Variants in DSCAM observed in about 807,000 individuals in gnomAD.
DSCAM encodes the protein cell adhesion molecule DSCAM.
DSCAM carries 47 observed loss-of-function variants against 217.7 expected under a neutral mutation model. The observed-to-expected ratio is 0.22, with a 90% CI of 0.17 to 0.28. The LOEUF is 0.28. Ranked by LOEUF, DSCAM falls within the 10% of genes least tolerant of loss-of-function variation. The probability of loss-of-function intolerance (pLI) is 1.00; values close to 1 mark genes in which losing one functional copy is unlikely to be tolerated. For synonymous variants in DSCAM, 1,056 were observed against 1,015.3 expected, an observed-to-expected ratio of 1.04 and a Z score of -0.76; for missense variants, 2,080 against 2,618.3, an observed-to-expected ratio of 0.79 and a Z score of 4.49.
Position 40,353,640 on chromosome 21 carries a change from C to T in DSCAM, c.759G>A (p.Glu253=). Residue 253 remains glutamate (E), a synonymous_variant, in exon 5 of 33, where the codon GAG becomes GAA. Transcript: ENST00000400454. ...TGTCCTTCAGCCAGCGGTAATCTGG[C>T]TCAGGGTGCCCGAGCGCTTTGCAAG... The part of the protein sequence containing the change: ...ELPCKALGHP[E]PDYRWLKDNM... 1 of 1,612,180 alleles carries T rather than the reference C, an allele frequency of 6.2e-7. No individual in the cohort carries two copies. The highest frequency in any genetic ancestry group is 8.5e-7 in the Non-Finnish European group (1 of 1,179,494).
intron 5 of DSCAM, among the ~76,000 whole-genome samples, chr21:40,350,214 G>A (rs765633711): frequency 1.3e-5 from 2 of 152,070 alleles, no homozygotes; most frequent in Non-Finnish European, 2.9e-5. Flanking sequence ...TACCATTCAG[G>A]ACATATGCAT....
chr21:40,258,556 C>T (rs1227623285), intron 11 of DSCAM, among the ~76,000 whole-genome samples: 2 of 152,186 alleles, frequency 1.3e-5, no homozygotes, highest in South Asian at 2.1e-4. Context: ...CTCTTAGAAG[C>T]GAAATTTATT....
intron 3 of DSCAM, among the ~76,000 whole-genome samples, chr21:40,550,791 GT>G (rs1467090839): frequency 2.0e-5 from 3 of 152,182 alleles, no homozygotes; most frequent in Non-Finnish European, 4.4e-5. Flanking sequence ...CTGTCACATG[GT>G]TGGGATAACA....
chr21:40,492,354 C>T (rs1269517549), intron 3 of DSCAM, among the ~76,000 whole-genome samples: 1 of 152,028 alleles, frequency 6.6e-6, no homozygotes, highest in Non-Finnish European at 1.5e-5. Context: ...CACCACACTC[C>T]CAGAGCAGAT....
chr21:40,481,183 T>G (rs547285580), intron 3 of DSCAM, among the ~76,000 whole-genome samples: 7 of 152,132 alleles, frequency 4.6e-5, no homozygotes, highest in African/African-American at 1.2e-4. Flanking sequence ...CAAAAGTCAC[T>G]TCCTGTAGAA....
intron 3 of DSCAM, among the ~76,000 whole-genome samples, chr21:40,525,818 C>T (rs2076395804): frequency 3.9e-5 from 6 of 152,194 alleles, no homozygotes; most frequent in Admixed American, 3.9e-4. Context: ...CAAGAGGGCT[C>T]CTACTGAAAA....
chr21:40,528,151 T>A (rs572631353), intron 3 of DSCAM, among the ~76,000 whole-genome samples: 1 of 152,314 alleles, frequency 6.6e-6, no homozygotes, highest in South Asian at 2.1e-4. Context: ...CACAAAGCTC[T>A]CCATGACATA....
chr21:40,031,600 C>A (rs12627378), intron 32 of DSCAM, among the ~76,000 whole-genome samples: 7,621 of 152,096 alleles, frequency 0.05, 817 homozygotes, highest in East Asian at 0.4. Flanking sequence ...ATACAAAGCC[C>A]AGCTCATAGA....
At chr21:40,683,446 AAAG>A (rs2090437082) in intron 3 of DSCAM, among the ~76,000 whole-genome samples, 1 of 152,186 alleles carries the variant, frequency 6.6e-6, no homozygotes, top group Non-Finnish European at 1.5e-5. Flanking sequence ...AAGAAAAAAG[AAAG>A]AAGGAAGGAA....
chr21:40,799,226 T>C (rs8130548), intron 1 of DSCAM, among the ~76,000 whole-genome samples: 13,105 of 152,218 alleles, frequency 0.086, 669 homozygotes, highest in African/African-American at 0.15. Context: ...AAGAACTAGA[T>C]TGCTGGGGCT....
rs188472244 is a variant in DSCAM at position 40,392,708 on chromosome 21, C to T, written c.509-23463G>A. Among the ~76,000 whole-genome samples, 12 of 152,236 alleles carry T rather than the reference C, an allele frequency of 7.9e-5. No homozygotes were observed. The East Asian group carries it at 2.1e-3, about 27-fold the overall frequency. On this transcript the variant is annotated intron_variant, in intron 3 of 32. Transcript: ENST00000400454. The stretch of plus-strand genomic sequence containing the variant: ...CTACTCCCAAACACGAGCATTTCCC[C>T]CAGGTCCTGCCAAGCTCTGCAAGAT...
chr21:40,168,067 TAAAC>T (rs1317511804), intron 15 of DSCAM, among the ~76,000 whole-genome samples: 1 of 151,826 alleles, frequency 6.6e-6, no homozygotes, highest in Non-Finnish European at 1.5e-5. Context: ...TCTCAAAACA[TAAAC>T]AAACAAAAAA....
At chr21:40,517,812 G>C (rs1365267792) in intron 3 of DSCAM, among the ~76,000 whole-genome samples, 1 of 152,124 alleles carries the variant, frequency 6.6e-6, no homozygotes, top group Non-Finnish European at 1.5e-5. Flanking sequence ...GTGGCAGGAG[G>C]AAAGTGACAG....
intron 3 of DSCAM, among the ~76,000 whole-genome samples, chr21:40,533,043 TAATTG>T (rs2076462025): frequency 6.6e-6 from 1 of 151,912 alleles, no homozygotes; most frequent in South Asian, 2.1e-4. Flanking sequence ...TAAAGTCACT[TAATTG>T]AATTAACTTT....
At chr21:40,527,785 G>A (rs1318288103) in intron 3 of DSCAM, among the ~76,000 whole-genome samples, 1 of 152,170 alleles carries the variant, frequency 6.6e-6, no homozygotes, top group Non-Finnish European at 1.5e-5. Context: ...ATTGCTACTG[G>A]TGCAAAGGAA....
intron 3 of DSCAM, among the ~76,000 whole-genome samples, chr21:40,453,434 T>G (rs2075738116): frequency 6.6e-6 from 1 of 152,262 alleles, no homozygotes; most frequent in African/African-American, 2.4e-5. Flanking sequence ...GCAAATGACT[T>G]TATGTCCTCA....
Position 40,761,280 on chromosome 21 carries a change from A to G in DSCAM, c.44-52509T>C, listed in dbSNP as rs1162059842. ...CTGTTATCAAATGTTTTTAGGAGAG[A>G]GTCTGTTTCCTTATCTTTTCTAGCT... On this transcript the variant is annotated intron_variant, in intron 1 of 32. Coordinates refer to ENST00000400454, the MANE Select transcript of DSCAM (RefSeq NM_001389.5). Among the ~76,000 whole-genome samples the G allele has an allele frequency of 2.0e-5, 3 of 152,002 alleles. No individual in the cohort carries two copies. In the East Asian group the frequency reaches 5.8e-4, roughly 29 times the overall value.
At chr21:40,242,182 CTT>C (rs1415297461) in intron 11 of DSCAM, among the ~76,000 whole-genome samples, 2 of 150,950 alleles carry the variant, frequency 1.3e-5, no homozygotes, top group Non-Finnish European at 2.9e-5. Flanking sequence ...AAGAAAATGA[CTT>C]TGTTAGATGG....
intron 3 of DSCAM, among the ~76,000 whole-genome samples, chr21:40,598,513 T>G (rs2146257207): frequency 7.1e-6 from 1 of 140,606 alleles, no homozygotes; most frequent in South Asian, 2.5e-4. Flanking sequence ...TTTTTTTTTT[T>G]TTTTTTTTTG....
Sources: gnomAD v4.1 joint callset for allele counts (sites outside exome capture counted in the v4.1 genomes callset) on GRCh38, gnomAD v4.1.1 for gene constraint, MANE v1.5 for transcripts, NCBI Gene and HGNC (gene_info 2026-07-23, HGNC 2026-07-21) for gene names.